The following BTBD1 variants were observed in gnomAD, a reference collection of about 807,000 sequenced individuals.
BTBD1 encodes BTB/POZ domain-containing protein 1.
BTBD1 carries 34 observed loss-of-function variants against 48.0 expected under a neutral mutation model. That is an observed-to-expected ratio of 0.71 (90% CI 0.54 to 0.94). The LOEUF is 0.94. Ranked by LOEUF, BTBD1 falls within the 40% of genes least tolerant of loss-of-function variation. The probability of loss-of-function intolerance (pLI) is 0.00; values close to 1 mark genes in which losing one functional copy is unlikely to be tolerated. For synonymous variants in BTBD1, 261 were observed against 242.1 expected (o/e 1.08, Z -0.72); for missense variants, 543 against 625.6 (o/e 0.87, Z 1.41).
intron 2 of BTBD1, among the ~76,000 whole-genome samples, chr15:83,055,083 A>C (rs1334759333): frequency 1.3e-5 from 2 of 152,200 alleles, no homozygotes; most frequent in African/African-American, 4.8e-5. Flanking sequence ...TTTAAAAACA[A>C]TTTTTACACA....
chr15:83,036,576 G>A (rs761935936), intron 4 of BTBD1, among the ~76,000 whole-genome samples: 12 of 152,124 alleles, frequency 7.9e-5, no homozygotes, highest in South Asian at 4.1e-4. Flanking sequence ...AATTCCACTC[G>A]TATATATCCA....
At chr15:83,064,468 C>G (rs949070369) in intron 1 of BTBD1, among the ~76,000 whole-genome samples, 8 of 152,074 alleles carry the variant, frequency 5.3e-5, no homozygotes, top group African/African-American at 1.7e-4. Context: ...AATTAACTTA[C>G]TTTCTATTGA....
rs1466563961 is a variant in BTBD1, at chr15:83,030,183, C to T, written c.1008G>A (p.Gln336=). Residue 336 remains glutamine, a synonymous_variant, in exon 5 of 8, where the codon CAG becomes CAA. Coordinates refer to ENST00000261721, the MANE Select transcript of BTBD1 (RefSeq NM_025238.4). ...RGKECCINRF[Q]QVESRWGYSG... The stretch of plus-strand genomic sequence containing the variant: ...TGTAACCCCAGCGGCTTTCTACTTG[C>T]TGGAATCTATTGATGCAGCATTCCT... 6.2e-7 allele frequency: 1 copy of T among 1,613,928 alleles called. No individual in the cohort carries two copies. Among genetic ancestry groups the T allele is most frequent in the Admixed American group, 1.7e-5 (1 of 59,976 alleles).
chr15:83,046,633 A>G (rs958698640), intron 3 of BTBD1, among the ~76,000 whole-genome samples: 4 of 145,380 alleles, frequency 2.8e-5, no homozygotes, highest in African/African-American at 1.0e-4. Flanking sequence ...AACACACTGA[A>G]GAACAAATGA....
chr15:83,048,630 G>A (rs1049144124), intron 3 of BTBD1, among the ~76,000 whole-genome samples: 4 of 142,560 alleles, frequency 2.8e-5, no homozygotes, highest in Non-Finnish European at 5.9e-5. Flanking sequence ...TCCAAACACA[G>A]TAAGTCCTCA....
At chr15:83,023,774 G>A (rs1276632452) in intron 5 of BTBD1, among the ~76,000 whole-genome samples, 1 of 152,134 alleles carries the variant, frequency 6.6e-6, no homozygotes. Context: ...AAGGTATAAC[G>A]ATCATTTTTC....
intron 1 of BTBD1, among the ~76,000 whole-genome samples, chr15:83,058,921 G>A (rs2033133318): frequency 6.6e-6 from 1 of 152,150 alleles, no homozygotes; most frequent in Non-Finnish European, 1.5e-5. Context: ...AGGACGGTGG[G>A]AAGTACACTC....
chr15:83,066,697 AGCCCG>A (rs66531444), intron 1 of BTBD1, 49 bp downstream of exon 1: 1,093,957 of 1,250,372 alleles, frequency 0.87, 479,476 homozygotes, highest in East Asian at 0.96. Context: ...GGGATCTCCC[AGCCCG>A]GCCCGGCCCG....
intron 1 of BTBD1, among the ~76,000 whole-genome samples, chr15:83,059,883 T>C (rs562978355): frequency 7.7e-4 from 118 of 152,358 alleles, no homozygotes; most frequent in Non-Finnish European, 1.3e-3. Context: ...TGAGCCACTG[T>C]ACCCAGCTTG....
chr15:83,041,961 T>G, intron 3 of BTBD1, 36 bp from the exon 4 acceptor site: 1 of 1,586,488 alleles, frequency 6.3e-7, no homozygotes, highest in Non-Finnish European at 8.6e-7. Context: ...CAATTAGAAA[T>G]ATTTTAGCTC....
At chr15:83,052,812 T>TG (rs2033018099) in intron 2 of BTBD1, among the ~76,000 whole-genome samples, 5 of 143,236 alleles carry the variant, frequency 3.5e-5, no homozygotes, top group Admixed American at 2.1e-4. Context: ...TTTTTTTTTT[T>TG]TTTTTTTTTA....
rs1334269449 is a variant in BTBD1 at position 83,052,792 on chromosome 15, G to A, written c.559-2614C>T. On this transcript the variant is annotated intron_variant, in intron 2 of 7. Transcript: ENST00000261721. ...ACTACAGGCGCCCACCACCTCGCCCGGCTAATTTTTTTTTTTTTTTTTTTT... is the reference window on the plus strand; with the variant it reads ...ACTACAGGCGCCCACCACCTCGCCCAGCTAATTTTTTTTTTTTTTTTTTTT... Among the ~76,000 whole-genome samples, 5 of 102,556 alleles carry A rather than the reference G, an allele frequency of 4.9e-5. No individual in the cohort carries two copies. The East Asian group carries it at 8.3e-4, about 17-fold the overall frequency. The allele number at this position is 102,556 out of a possible 152,430, so 67.3% of individuals were successfully genotyped here.
chr15:83,050,536 T>C (rs771364984), intron 2 of BTBD1, among the ~76,000 whole-genome samples: 12 of 152,054 alleles, frequency 7.9e-5, no homozygotes, highest in Non-Finnish European at 1.5e-4. Flanking sequence ...AGGCTTACAT[T>C]ATTATCCCAT....
intron 4 of BTBD1, among the ~76,000 whole-genome samples, chr15:83,032,978 A>AAAAAAAAAAAAC (rs1555439411): frequency 6.8e-6 from 1 of 146,588 alleles, no homozygotes; most frequent in Non-Finnish European, 1.5e-5. Context: ...TCAAAAAAAA[A>AAAAAAAAAAAAC]AAAAAAAAAA....
rs567311302 is a variant in BTBD1 at position 83,016,913 on chromosome 15, T to A, written c.*1154A>T. The A allele has an allele frequency of 6.6e-5, 10 of 152,394 alleles. No homozygotes were observed. Among genetic ancestry groups the A allele is most frequent in the African/African-American group, 2.4e-4 (10 of 41,578 alleles). The allele number at this position is 152,394 out of a possible 1,614,324, so 9.4% of individuals were successfully genotyped here. On this transcript the variant is annotated 3_prime_UTR_variant, in exon 8 of 8. Transcript: ENST00000261721. ...TTTTTAATCACCTTCCACAACGATT[T>A]GATATACCTTAAACTCCACTTTCAT...
At chr15:83,048,630 G>GT (rs777861052) in intron 3 of BTBD1, among the ~76,000 whole-genome samples, 67 of 142,662 alleles carry the variant, frequency 4.7e-4, no homozygotes, top group Admixed American at 1.4e-3. Context: ...TCCAAACACA[G>GT]TAAGTCCTCA....
At chr15:83,019,875 CAGG>C (rs1256818428) in intron 6 of BTBD1, among the ~76,000 whole-genome samples, 1 of 145,078 alleles carries the variant, frequency 6.9e-6, no homozygotes, top group African/African-American at 2.6e-5. Flanking sequence ...GAGGCCGAGG[CAGG>C]AGAATTGTGT....
In BTBD1 at chr15:83,024,750, G is replaced by A. The variant is rs75806491; in HGVS notation, c.1056-3988C>T. On this transcript the variant is annotated intron_variant, in intron 5 of 7. Transcript: ENST00000261721. ...CTCTTAAGTAGCTGAGATTACAGGTGCATGCCACCATGCTGAATTTTTGAA... is the reference window on the plus strand; with the variant it reads ...CTCTTAAGTAGCTGAGATTACAGGTACATGCCACCATGCTGAATTTTTGAA... 7.6e-4 allele frequency among the ~76,000 whole-genome samples: 115 copies of A among 152,160 alleles called. 1 individual carries two copies. In the East Asian group the frequency reaches 0.018, roughly 23 times the overall value.
intron 5 of BTBD1, among the ~76,000 whole-genome samples, chr15:83,023,368 A>G (rs1407614668): frequency 6.6e-5 from 10 of 152,162 alleles, no homozygotes; most frequent in Admixed American, 5.2e-4. Flanking sequence ...TAAAAGGCAC[A>G]TTCTTTAAAA....
Sources: gnomAD v4.1 joint callset for allele counts (sites outside exome capture counted in the v4.1 genomes callset) on GRCh38, gnomAD v4.1.1 for gene constraint, MANE v1.5 for transcripts, NCBI Gene and HGNC (gene_info 2026-07-23, HGNC 2026-07-21) for gene names.